TTN: variants seen among roughly 807,000 people sequenced by gnomAD.
The protein encoded by TTN is connectin.
Under a neutral mutation model 3,223.0 loss-of-function variants are expected in TTN, and 1,525 were observed. The ratio of observed to expected loss-of-function variants is 0.47; its 90% confidence interval spans 0.45 to 0.49. The LOEUF (loss-of-function observed/expected upper bound fraction) is 0.49. TTN is among the 20% of genes least tolerant of loss of function. The pLI is 0.00. For missense variants in TTN, 40,786 were observed against 43,424.0 expected (o/e 0.94, Z 5.40); for synonymous variants, 14,094 against 15,161.0 (o/e 0.93, Z 5.17).
chr2:178,538,002 C>A, intron 354 of TTN, 85 bp from the exon 355 acceptor site: 1 of 1,210,254 alleles, frequency 8.3e-7, no homozygotes, highest in East Asian at 2.6e-5. Context: ...ATGAATTTAC[C>A]TTATTTACTG....
intron 125 of TTN, 136 bp from the exon 126 acceptor site, chr2:178,688,914 A>G: frequency 8.6e-7 from 1 of 1,156,246 alleles, no homozygotes; most frequent in South Asian, 1.4e-5. Context: ...TCACAAGGAC[A>G]TAAACACAAA....
At chr2:178,728,864 A>C in intron 65 of TTN, 27 bp downstream of exon 65, 1 of 1,577,042 alleles carries the variant, frequency 6.3e-7, no homozygotes. Context: ...GCTATAGACT[A>C]TCTTTGAAAG....
rs1703498485 is a variant in TTN at position 178,561,128 on chromosome 2, G to A, written c.85004C>T (p.Ser28335Leu). 1 of 1,613,640 alleles carries A rather than the reference G, an allele frequency of 6.2e-7. No individual in the cohort carries two copies. The highest frequency in any genetic ancestry group is 1.7e-5 in the Admixed American group (1 of 59,968). The change falls in exon 326 of 363, where the codon TCA (serine) becomes TTA (leucine). Residue 28335 changes from serine to leucine, a missense_variant. Ser to Leu is a moderately radical substitution (Grantham distance 145). Coordinates refer to ENST00000589042, the MANE Select transcript of TTN (RefSeq NM_001267550.2). ...AGTGGATTCAGATGGCTCACTAACT[G>A]AGTCAGCAGCATTCCTTGCAAAAAC... Reference protein sequence around the residue: ...FRVFARNAADSVSEPSESTGP... With the variant: ...FRVFARNAADLVSEPSESTGP...
Position 178,652,939 on chromosome 2 carries a change from G to C in TTN, c.38876-8C>G. Reference sequence around the variant, plus strand: ...CTATGGGAGCCTCTGGCACTTAAAAGATATTAGTGAAATTACATTTAGAAG... The same window carrying C: ...CTATGGGAGCCTCTGGCACTTAAAACATATTAGTGAAATTACATTTAGAAG... On this transcript the variant is annotated splice_polypyrimidine_tract_variant and splice_region_variant and intron_variant, in intron 199 of 362. Coordinates refer to ENST00000589042, the MANE Select transcript of TTN (RefSeq NM_001267550.2). 1 of 1,603,916 alleles carries C rather than the reference G, an allele frequency of 6.2e-7. No homozygotes were observed.
Position 178,560,680 on chromosome 2 carries a change from G to C in TTN, c.85452C>G (p.Asp28484Glu). 1 of 1,613,596 alleles carries C rather than the reference G, an allele frequency of 6.2e-7. No homozygotes were observed. Residue 28484 changes from aspartate (D) to glutamate (E), a missense_variant, in exon 326 of 363, where the codon GAC becomes GAG. Transcript: ENST00000589042. ...TTTCACGTTTTTCTACGATGTAATA[G>C]TCGATATCTGCACCACCATCTTCTT... ...RPQEDGGADI[D>E]YYIVEKRETS...
chr2:178,663,130 A>G (rs1473651457), intron 173 of TTN, 75 bp from the exon 174 acceptor site: 38 of 1,608,236 alleles, frequency 2.4e-5, no homozygotes, highest in Non-Finnish European at 3.1e-5. Flanking sequence ...ACACCCACCA[A>G]GATATTTTGG....
intron 45 of TTN, among the ~76,000 whole-genome samples, chr2:178,757,168 T>TGTACTTGCTTTAAGTACAGTAAGTAAC (rs2087350756): frequency 6.6e-6 from 1 of 150,838 alleles, no homozygotes; most frequent in Admixed American, 6.6e-5. Context: ...CAGTAAGTAA[T>TGTACTTGCTTTAAGTACAGTAAGTAAC]ACTGTACTTA....
chr2:178,580,204 C>T lies in TTN; in HGVS notation c.67083G>A (p.Val22361=), dbSNP rs2154176138. Residue 22361 remains valine (V), a synonymous_variant, in exon 318 of 363, where the codon GTG becomes GTA. Coordinates refer to ENST00000589042, the MANE Select transcript of TTN (RefSeq NM_001267550.2). The part of the protein sequence containing the change: ...VLDTPGPPVN[V]TVKEISKDSA... ...AGTCTTTGGATATTTCCTTAACAGT[C>T]ACATTGACAGGTGGCCCAGGAGTAT... 1 of 1,612,894 alleles carries T rather than the reference C, an allele frequency of 6.2e-7. No individual in the cohort carries two copies. Among genetic ancestry groups the T allele is most frequent in the Non-Finnish European group, 8.5e-7 (1 of 1,179,420 alleles).
intron 240 of TTN, 61 bp downstream of exon 240, chr2:178,629,240 A>T (rs1351622383): frequency 3.2e-6 from 5 of 1,581,978 alleles, no homozygotes; most frequent in Admixed American, 1.8e-5. Flanking sequence ...AGGAACATAC[A>T]AGTGAAGGTG....
At chr2:178,629,191 C>G in intron 240 of TTN, 110 bp downstream of exon 240, 1 of 1,393,310 alleles carries the variant, frequency 7.2e-7, no homozygotes, top group Non-Finnish European at 9.5e-7. Context: ...AAGAGAAAGG[C>G]AAAGACAGAG....
At position 178,551,641 on chromosome 2, in the gene TTN, A is replaced by G. The variant is rs779547880; in HGVS notation, c.91259T>C (p.Val30420Ala). Residue 30420 changes from valine (V) to alanine (A), a missense_variant, in exon 335 of 363, where the codon GTT (valine) becomes GCT (alanine). Val to Ala is a moderately conservative substitution (Grantham distance 64, BLOSUM62 0). Coordinates refer to ENST00000589042, the MANE Select transcript of TTN (RefSeq NM_001267550.2). Reference sequence around the variant, plus strand: ...TAATAATCACTTACCTACTGGAGAAACAGCTAAGGTAAATTTGCTTGGGTC... The same window carrying G: ...TAATAATCACTTACCTACTGGAGAAGCAGCTAAGGTAAATTTGCTTGGGTC... ...PSDPSKFTLA[V>A]SPVDPPGTPD... is the part of the protein sequence containing the mutation. 1 of 1,579,066 alleles carries G rather than the reference A, an allele frequency of 6.3e-7. No individual in the cohort carries two copies. The highest frequency in any genetic ancestry group is 1.2e-5 in the South Asian group (1 of 85,500).
intron 125 of TTN, 27 bp from the exon 126 acceptor site, chr2:178,688,805 T>C (rs749315644): frequency 2.6e-6 from 4 of 1,547,302 alleles, no homozygotes; most frequent in South Asian, 2.2e-5. Context: ...AAGTTGAAGT[T>C]TAAAATCAAG....
At position 178,591,505 on chromosome 2, in the gene TTN, C is replaced by CTGAAA. The variant is rs2050188038; in HGVS notation, c.60221-6_60221-2dup. On this transcript the variant is annotated splice_acceptor_variant, in intron 303 of 362. Coordinates refer to ENST00000589042, the MANE Select transcript of TTN (RefSeq NM_001267550.2). LOFTEE classifies it high-confidence loss of function. ...ACATCTAGCTCCACGGATGGAGGCA[C>CTGAAA]TGAAAAGTAAACATGAAAAAATTAG... 1 of 1,584,064 alleles carries CTGAAA rather than the reference C, an allele frequency of 6.3e-7. No individual in the cohort carries two copies. Among genetic ancestry groups the CTGAAA allele is most frequent in the Non-Finnish European group, 8.5e-7 (1 of 1,171,452 alleles).
At position 178,678,163 on chromosome 2, in the gene TTN, G is replaced by A; in HGVS notation, c.33956C>T (p.Thr11319Ile). 2.5e-6 allele frequency: 4 copies of A among 1,611,446 alleles called. No individual in the cohort carries two copies. Among genetic ancestry groups the A allele is most frequent in the Non-Finnish European group, 3.4e-6 (4 of 1,178,974 alleles). Residue 11319 changes from threonine (T) to isoleucine (I), a missense_variant, in exon 145 of 363, where the codon ACA becomes ATA. By Grantham distance (89) the Thr-to-Ile change is moderately conservative. Coordinates refer to ENST00000589042, the MANE Select transcript of TTN (RefSeq NM_001267550.2). ...TGCTTCCACTTTTTTCGGAACAGGT[G>A]TTGGTTTCTTTTCTTCTGGGATGAG... ...KKLIPEEKKP[T>I]PVPKKVEAPP...
At chr2:178,730,887 G>A (rs760357542) in intron 60 of TTN, 38 bp downstream of exon 60, 10 of 1,542,028 alleles carry the variant, frequency 6.5e-6, no homozygotes, top group Non-Finnish European at 8.7e-6. Context: ...AAGGAGCATG[G>A]AAATGCCCAA....
At chr2:178,699,715 CT>C (rs1227937572) in intron 111 of TTN, among the ~76,000 whole-genome samples, 3 of 109,486 alleles carry the variant, frequency 2.7e-5, no homozygotes, top group Non-Finnish European at 5.4e-5. Context: ...CCAGCCCACT[CT>C]TTTTTAATTT....
Position 178,546,337 on chromosome 2 carries a change from T to C in TTN, c.94994A>G (p.Gln31665Arg). The stretch of plus-strand genomic sequence containing the variant: ...AGCAGTTGCTCGTTTGCCAGTATAC[T>C]GCAAAGAGACTTTTTCACAGAGATC... ...ELDLCEKVSL[Q>R]YTGKRATAVI... Residue 31665 changes from glutamine (Q) to arginine (R), a missense_variant, in exon 342 of 363, where the codon CAG (glutamine) becomes CGG (arginine). By Grantham distance (43) the Gln-to-Arg change is conservative. Transcript: ENST00000589042. 1 of 1,613,848 alleles carries C rather than the reference T, an allele frequency of 6.2e-7. No homozygotes were observed. Among genetic ancestry groups the C allele is most frequent in the Non-Finnish European group, 8.5e-7 (1 of 1,179,772 alleles).
intron 62 of TTN, 22 bp from the exon 63 acceptor site, chr2:178,729,967 T>A: frequency 6.2e-7 from 1 of 1,603,906 alleles, no homozygotes; most frequent in South Asian, 1.1e-5. Flanking sequence ...AAAAGAATTG[T>A]GATGTTGAAT....
chr2:178,784,018 G>A, intron 16 of TTN, 52 bp downstream of exon 16: 1 of 1,610,486 alleles, frequency 6.2e-7, no homozygotes, highest in South Asian at 1.1e-5. Flanking sequence ...CCAACCACCT[G>A]GCCCTGCTCA....
Sources: allele counts gnomAD v4.1 joint callset (sites outside exome capture counted in the v4.1 genomes callset), GRCh38; gene constraint gnomAD v4.1.1; transcripts MANE v1.5; gene names NCBI Gene and HGNC (gene_info 2026-07-23, HGNC 2026-07-21).